Variants in PRDM15 observed in about 807,000 individuals in gnomAD.
PRDM15 encodes the protein PR domain zinc finger protein 15.
A neutral mutation model predicts 128.6 loss-of-function variants in PRDM15; 64 were observed. That is an observed-to-expected ratio of 0.50 (90% CI 0.41 to 0.61). The LOEUF is 0.61. PRDM15 is among the 20% of genes least tolerant of loss of function. The pLI is 0.00. For synonymous variants in PRDM15, 615 were observed against 621.8 expected (o/e 0.99, Z 0.16); for missense variants, 1,242 against 1,569.1 (o/e 0.79, Z 3.52).
chr21:41,847,622 C>T (rs115161602), intron 5 of PRDM15, among the ~76,000 whole-genome samples: 1,929 of 152,322 alleles, frequency 0.013, 50 homozygotes, highest in African/African-American at 0.043. Context: ...GTGGCGCCCC[C>T]GTGTGTGGCT....
intron 7 of PRDM15, among the ~76,000 whole-genome samples, chr21:41,839,308 G>A (rs763735431): frequency 6.6e-6 from 1 of 152,218 alleles, no homozygotes; most frequent in African/African-American, 2.4e-5. Flanking sequence ...GAATGAACTC[G>A]TACAGAAGAC....
intron 12 of PRDM15, among the ~76,000 whole-genome samples, chr21:41,826,295 G>C (rs1164685835): frequency 6.6e-6 from 1 of 152,202 alleles, no homozygotes. Context: ...TGTGGGATCT[G>C]CCGAGACAGT....
intron 13 of PRDM15, 64 bp downstream of exon 13, chr21:41,825,896 A>G: frequency 8.1e-7 from 1 of 1,231,610 alleles, no homozygotes; most frequent in South Asian, 1.2e-5. Context: ...CAGCTCATAG[A>G]GTCTTAACTG....
intron 13 of PRDM15, 81 bp downstream of exon 13, chr21:41,825,879 A>C: frequency 8.9e-7 from 1 of 1,118,444 alleles, no homozygotes; most frequent in Non-Finnish European, 1.3e-6. Context: ...GCAATATTCT[A>C]TAAGTACAGC....
chr21:41,876,064 T>C (rs1041168690), intron 1 of PRDM15, among the ~76,000 whole-genome samples: 3 of 152,204 alleles, frequency 2.0e-5, no homozygotes, highest in African/African-American at 7.2e-5. Flanking sequence ...TATTTGCTTA[T>C]CTAAACATAG....
chr21:41,878,467 C>A (rs897916938), intron 1 of PRDM15, among the ~76,000 whole-genome samples: 2 of 152,190 alleles, frequency 1.3e-5, no homozygotes, highest in South Asian at 2.1e-4. Flanking sequence ...TTTCTCAAGG[C>A]TAACCCCTGC....
rs1019075689 is a variant in PRDM15, at chr21:41,811,133, G to A, written c.2393-297C>T. On this transcript the variant is annotated intron_variant, in intron 19 of 23. Coordinates refer to ENST00000398548, the MANE Select transcript of PRDM15 (RefSeq NM_001040424.3). This position sits in a 1 kb window ranked among gnomAD's most constrained non-coding sequence, Gnocchi z 4.1. The stretch of plus-strand genomic sequence containing the variant: ...ATGTGGACAAGCAGAAAAACGATAG[G>A]AATTTCTTTAAAGCATTAATGTATC... 1.9e-4 allele frequency: 72 copies of A among 385,340 alleles called. No homozygotes were observed. Among genetic ancestry groups the A allele is most frequent in the Admixed American group, 5.7e-4 (16 of 27,844 alleles). The allele number at this position is 385,340 out of a possible 1,614,324, so 23.9% of individuals were successfully genotyped here.
In PRDM15 at chr21:41,859,740, C is replaced by G. The variant is rs939373411; in HGVS notation, c.38-55G>C. On this transcript the variant is annotated intron_variant, in intron 2 of 23. Coordinates refer to ENST00000398548, the MANE Select transcript of PRDM15 (RefSeq NM_001040424.3). This position sits in a 1 kb window ranked among gnomAD's most constrained non-coding sequence, Gnocchi z 5.3. ...CCCAGGGAGGGAGACACCTAAAGAA[C>G]ACAAACCTGGGAAATGGGGACCCTG... 8 of 1,481,782 alleles carry G rather than the reference C, an allele frequency of 5.4e-6. No homozygotes were observed. The Admixed American group carries it at 1.2e-4, about 23-fold the overall frequency. 91.8% of individuals were successfully genotyped at this position (1,481,782 alleles called of 1,614,324 possible).
chr21:41,852,164 G>C (rs1183209657), intron 5 of PRDM15, among the ~76,000 whole-genome samples: 2 of 152,260 alleles, frequency 1.3e-5, no homozygotes, highest in Non-Finnish European at 2.9e-5. Context: ...CGAAACACCT[G>C]TAGCTCCAAT....
intron 21 of PRDM15, among the ~76,000 whole-genome samples, chr21:41,808,274 C>T (rs2061744748): frequency 6.6e-6 from 1 of 152,198 alleles, no homozygotes; most frequent in Non-Finnish European, 1.5e-5. Context: ...TAGGTAAAAA[C>T]ACCAGCTGGC....
chr21:41,834,573 AG>A, intron 11 of PRDM15: 1 of 1,547,194 alleles, frequency 6.5e-7, no homozygotes, highest in Non-Finnish European at 8.7e-7. Context: ...TCCTAGAGAG[AG>A]GGGGACACAA....
In PRDM15 at chr21:41,821,080, G is replaced by T. The variant is rs772924245; in HGVS notation, c.2047C>A (p.Pro683Thr). ...ACCAGGCCTCACTTCTGCACGTTGGGGTCCGGCAGGTTTTCACGGTGGATG... is the reference window on the plus strand; with the variant it reads ...ACCAGGCCTCACTTCTGCACGTTGGTGTCCGGCAGGTTTTCACGGTGGATG... Reference protein sequence around the residue: ...MVIHRENLPDPNVQKYIHPCE... With the variant: ...MVIHRENLPDTNVQKYIHPCE... Residue 683 changes from proline to threonine, a missense_variant, in exon 16 of 24, where the codon CCC becomes ACC. Physicochemically the swap from Pro to Thr is conservative, Grantham distance 38. Around this residue, in one of 3 missense-constraint regions of PRDM15, gnomAD observed 602 missense variants for 788.3 expected, o/e 0.76. Coordinates refer to ENST00000398548, the MANE Select transcript of PRDM15 (RefSeq NM_001040424.3). The surrounding 1 kb of genome is among the most constrained non-coding windows in gnomAD (Gnocchi z 5.4). 2.2e-5 allele frequency: 36 copies of T among 1,614,222 alleles called. No individual in the cohort carries two copies. Among genetic ancestry groups the T allele is most frequent in the Non-Finnish European group, 3.1e-5 (36 of 1,180,026 alleles).
Position 41,801,122 on chromosome 21 carries a change from T to C in PRDM15, c.*118A>G. The stretch of plus-strand genomic sequence containing the variant: ...GGGATCTGGAGATACTCTGCAAAGC[T>C]AAGTCAACCTTACATTGCAATGTAT... On this transcript the variant is annotated 3_prime_UTR_variant, in exon 24 of 24. Coordinates refer to ENST00000398548, the MANE Select transcript of PRDM15 (RefSeq NM_001040424.3). 7.2e-7 allele frequency: 1 copy of C among 1,386,636 alleles called. No individual in the cohort carries two copies. Among genetic ancestry groups the C allele is most frequent in the South Asian group, 1.4e-5 (1 of 69,130 alleles). The allele number at this position is 1,386,636 out of a possible 1,614,324, so 85.9% of individuals were successfully genotyped here.
At chr21:41,875,560 T>C (rs1475235965) in intron 1 of PRDM15, among the ~76,000 whole-genome samples, 1 of 152,246 alleles carries the variant, frequency 6.6e-6, no homozygotes, top group Non-Finnish European at 1.5e-5. Context: ...ATATATCTAT[T>C]AGAATCTAGG....
chr21:41,804,868 C>G (rs1034522862), intron 21 of PRDM15: 4 of 356,076 alleles, frequency 1.1e-5, no homozygotes, highest in African/African-American at 8.6e-5. Flanking sequence ...TCCACTCCCC[C>G]AGTGGGGAGA....
chr21:41,825,692 G>C (rs1430779012), intron 13 of PRDM15, among the ~76,000 whole-genome samples: 1 of 152,210 alleles, frequency 6.6e-6, no homozygotes, highest in Non-Finnish European at 1.5e-5. Flanking sequence ...GAGCAGCTCA[G>C]GAGGAAAATC....
rs1003604257 is a variant in PRDM15, at chr21:41,854,065, A to G, written c.538+501T>C. Among the ~76,000 whole-genome samples the G allele has an allele frequency of 7.9e-5, 12 of 152,372 alleles. No homozygotes were observed. Among genetic ancestry groups the G allele is most frequent in the Admixed American group, 7.8e-4 (12 of 15,314 alleles). ...ATGTGACAAGGTTTCAGTCAAAGAC[A>G]GTGGTCCCATGAGATTCTAATACAG... On this transcript the variant is annotated intron_variant, in intron 5 of 23. Transcript: ENST00000398548. The surrounding 1 kb of genome is among the most constrained non-coding windows in gnomAD (Gnocchi z 4.6).
chr21:41,864,691 A>G (rs545106367), intron 1 of PRDM15, among the ~76,000 whole-genome samples: 1 of 152,146 alleles, frequency 6.6e-6, no homozygotes, highest in Non-Finnish European at 1.5e-5. Context: ...AAGGGTCTCC[A>G]GATAACTCTT....
rs994776296 is a variant in PRDM15 at position 41,801,105 on chromosome 21, G to A, written c.*135C>T. 7.8e-7 allele frequency: 1 copy of A among 1,278,008 alleles called. No homozygotes were observed. The allele number at this position is 1,278,008 out of a possible 1,614,324, so 79.2% of individuals were successfully genotyped here. On this transcript the variant is annotated 3_prime_UTR_variant, in exon 24 of 24. Coordinates refer to ENST00000398548, the MANE Select transcript of PRDM15 (RefSeq NM_001040424.3). ...GTAATGGTTGCTGGCGGGGGATCTG[G>A]AGATACTCTGCAAAGCTAAGTCAAC...
Sources: gnomAD v4.1 joint callset for allele counts (sites outside exome capture counted in the v4.1 genomes callset) on GRCh38, gnomAD v4.1.1 for gene constraint, gnomAD v4.1.1 regional missense constraint, Gnocchi (gnomAD v3.1) non-coding constraint, MANE v1.5 for transcripts, NCBI Gene and HGNC (gene_info 2026-07-23, HGNC 2026-07-21) for gene names.